The following PPP2R3A variants were observed in gnomAD, a reference collection of about 807,000 sequenced individuals.
PPP2R3A encodes serine/threonine-protein phosphatase 2A regulatory subunit B'' subunit alpha.
In PPP2R3A, 80 loss-of-function variants were observed where a neutral mutation model predicts 106.9. That is an observed-to-expected ratio of 0.75 (90% CI 0.62 to 0.90). PPP2R3A has a LOEUF of 0.90. Ranked by LOEUF, PPP2R3A falls within the 40% of genes least tolerant of loss-of-function variation. The pLI is 0.00. For missense variants in PPP2R3A, 1,386 were observed against 1,350.4 expected, an observed-to-expected ratio of 1.03 and a Z score of -0.41; for synonymous variants, 483 against 468.3, an observed-to-expected ratio of 1.03 and a Z score of -0.41.
chr3:135,986,812 A>T (rs1195398113), intron 1 of PPP2R3A, among the ~76,000 whole-genome samples: 2 of 152,172 alleles, frequency 1.3e-5, no homozygotes, highest in African/African-American at 4.8e-5. Flanking sequence ...CTTGTGCATG[A>T]ACATATGCTT....
intron 1 of PPP2R3A, among the ~76,000 whole-genome samples, chr3:135,966,325 A>C (rs1937083583): frequency 1.3e-5 from 2 of 152,138 alleles, no homozygotes; most frequent in African/African-American, 2.4e-5. Context: ...CCCCCTGCCC[A>C]ACCTCGGCCC....
chr3:136,056,055 G>T (rs1293476577), intron 5 of PPP2R3A, among the ~76,000 whole-genome samples: 1 of 152,152 alleles, frequency 6.6e-6, no homozygotes, highest in African/African-American at 2.4e-5. Flanking sequence ...CAAAGGACAT[G>T]TTACTTCTCT....
chr3:136,043,181 C>T (rs536553568), intron 4 of PPP2R3A, among the ~76,000 whole-genome samples: 9 of 151,922 alleles, frequency 5.9e-5, no homozygotes, highest in South Asian at 2.1e-4. Context: ...GGGAAATGGC[C>T]GGGCGTGGTG....
At chr3:136,085,942 A>T (rs953585318) in intron 8 of PPP2R3A, among the ~76,000 whole-genome samples, 1 of 151,644 alleles carries the variant, frequency 6.6e-6, no homozygotes, top group African/African-American at 2.4e-5. Context: ...CAAAAATTAA[A>T]AATTAAAAAA....
At chr3:136,062,756 T>A (rs1400044135) in intron 5 of PPP2R3A, among the ~76,000 whole-genome samples, 1 of 150,692 alleles carries the variant, frequency 6.6e-6, no homozygotes, top group Non-Finnish European at 1.5e-5. Flanking sequence ...AAGGCTATGA[T>A]GAAGCCTGTG....
chr3:136,067,179 T>A (rs1936285363), intron 5 of PPP2R3A, among the ~76,000 whole-genome samples: 1 of 152,148 alleles, frequency 6.6e-6, no homozygotes, highest in Non-Finnish European at 1.5e-5. Flanking sequence ...TTCAGAAAAA[T>A]TAGTAATAAA....
intron 1 of PPP2R3A, among the ~76,000 whole-genome samples, chr3:135,973,389 A>G (rs1937299028): frequency 6.6e-6 from 1 of 152,212 alleles, no homozygotes; most frequent in Non-Finnish European, 1.5e-5. Flanking sequence ...GCATAGATTG[A>G]TGTCCTTCAG....
At chr3:135,975,186 A>G (rs935830094) in intron 1 of PPP2R3A, among the ~76,000 whole-genome samples, 2 of 152,214 alleles carry the variant, frequency 1.3e-5, no homozygotes, top group African/African-American at 4.8e-5. Context: ...TGCTGGCAGC[A>G]GTATTGAGAT....
At chr3:136,004,790 T>C (rs1933786121) in intron 2 of PPP2R3A, among the ~76,000 whole-genome samples, 1 of 152,196 alleles carries the variant, frequency 6.6e-6, no homozygotes, top group Non-Finnish European at 1.5e-5. Context: ...ATAGTATTAG[T>C]CATATTTTAC....
chr3:135,990,580 A>G lies in PPP2R3A; in HGVS notation c.-440-10479A>G, dbSNP rs193003450. On this transcript the variant is annotated intron_variant, in intron 1 of 13. Coordinates refer to ENST00000264977, the MANE Select transcript of PPP2R3A (RefSeq NM_002718.5). ...TTAAAAATAAATCCGTACTTAATAA[A>G]AATAAATTTCAGATTTCTTGTTATC... is the stretch of plus-strand genomic sequence containing the variant. 6.1e-3 allele frequency among the ~76,000 whole-genome samples: 933 copies of G among 152,318 alleles called. 3 individuals carry two copies. The highest frequency in any genetic ancestry group is 9.5e-3 in the Non-Finnish European group (647 of 68,020).
intron 13 of PPP2R3A, among the ~76,000 whole-genome samples, chr3:136,134,530 A>T (rs1938533271): frequency 6.6e-6 from 1 of 152,186 alleles, no homozygotes; most frequent in Admixed American, 6.5e-5. Context: ...GAAAATTTTT[A>T]ATTTCATAGA....
At chr3:136,018,447 G>GA (rs1376998209) in intron 2 of PPP2R3A, among the ~76,000 whole-genome samples, 1 of 152,080 alleles carries the variant, frequency 6.6e-6, no homozygotes, top group East Asian at 1.9e-4. Flanking sequence ...GATTTCCCCA[G>GA]AAAAAAAGAA....
chr3:136,070,462 T>G lies in PPP2R3A; in HGVS notation c.2470-16T>G. ...TGTATGTTTGTTAATTTAGTTTTGG[T>G]TTTGATCTTTTTCAGGATGTGGTGG... On this transcript the variant is annotated splice_polypyrimidine_tract_variant and intron_variant, in intron 5 of 13. Coordinates refer to ENST00000264977, the MANE Select transcript of PPP2R3A (RefSeq NM_002718.5). 1 of 1,583,618 alleles carries G rather than the reference T, an allele frequency of 6.3e-7. No individual in the cohort carries two copies. Among genetic ancestry groups the G allele is most frequent in the East Asian group, 2.3e-5 (1 of 43,182 alleles).
intron 13 of PPP2R3A, among the ~76,000 whole-genome samples, chr3:136,112,902 G>A (rs1937617331): frequency 6.6e-6 from 1 of 152,134 alleles, no homozygotes; most frequent in Non-Finnish European, 1.5e-5. Flanking sequence ...GGAGGCTGAG[G>A]CAGGTGGATC....
In PPP2R3A at chr3:136,026,912, C is replaced by T; in HGVS notation, c.2076C>T (p.Ser692=). ...CTCCAAGTAGTCCCCGACCTCTCTC[C>T]CCGGTTCCCCATGTGAATAATGTTG... ...ATSPSSPRPL[S]PVPHVNNVVN... The change falls in exon 3 of 14, where the codon TCC becomes TCT. Residue 692 remains serine (S), a synonymous_variant. Transcript: ENST00000264977. 1.9e-6 allele frequency: 3 copies of T among 1,613,388 alleles called. No individual in the cohort carries two copies. Among genetic ancestry groups the T allele is most frequent in the Non-Finnish European group, 2.5e-6 (3 of 1,179,364 alleles).
intron 5 of PPP2R3A, among the ~76,000 whole-genome samples, chr3:136,051,697 C>T (rs1251192412): frequency 2.0e-5 from 3 of 152,178 alleles, no homozygotes; most frequent in Non-Finnish European, 4.4e-5. Context: ...TCACAGGTGT[C>T]CTAGTCAATG....
intron 1 of PPP2R3A, among the ~76,000 whole-genome samples, chr3:135,991,912 A>G (rs921267924): frequency 1.3e-5 from 2 of 152,130 alleles, no homozygotes; most frequent in African/African-American, 4.8e-5. Context: ...ATGTTTTTAT[A>G]TTACCCTTAG....
Position 136,087,943 on chromosome 3 carries a change from T to C in PPP2R3A, c.2837+12T>C, listed in dbSNP as rs372886752. 2.5e-5 allele frequency: 39 copies of C among 1,591,374 alleles called. No individual in the cohort carries two copies. The highest frequency in any genetic ancestry group is 3.1e-5 in the Non-Finnish European group (36 of 1,160,924). ...GGTGCAGTAACAAGGTAAGAAAACG[T>C]TTAATGCTGTGTTTAAAAATGAACT... is the stretch of plus-strand genomic sequence containing the variant. On this transcript the variant is annotated intron_variant, in intron 9 of 13. Coordinates refer to ENST00000264977, the MANE Select transcript of PPP2R3A (RefSeq NM_002718.5).
At chr3:136,087,245 GTCTCTCTCTCTCTCTCTCTC>G (rs34566151) in intron 8 of PPP2R3A, among the ~76,000 whole-genome samples, 22 of 75,128 alleles carry the variant, frequency 2.9e-4, no homozygotes, top group African/African-American at 4.6e-4. Context: ...CTCTAGTCGT[GTCTCTCTCTCTCTCTCTCTC>G]TCTCTCTCTC....
Sources: gnomAD v4.1 joint callset for allele counts (sites outside exome capture counted in the v4.1 genomes callset) on GRCh38, gnomAD v4.1.1 for gene constraint, MANE v1.5 for transcripts, NCBI Gene and HGNC (gene_info 2026-07-23, HGNC 2026-07-21) for gene names.